The following MBD5 variants were observed in gnomAD, a reference collection of about 807,000 sequenced individuals.
MBD5 encodes the protein methyl-CpG binding domain protein 5, also known as methyl-CpG-binding domain protein 5.
MBD5 carries 13 observed loss-of-function variants against 117.3 expected under a neutral mutation model. That is an observed-to-expected ratio of 0.11 (90% CI 0.07 to 0.18). MBD5 has a LOEUF of 0.18. MBD5 is among the 10% of genes least tolerant of loss of function. The probability of loss-of-function intolerance (pLI) is 1.00; values close to 1 mark genes in which losing one functional copy is unlikely to be tolerated. For synonymous variants in MBD5, 727 were observed against 766.4 expected (o/e 0.95, Z 0.85); for missense variants, 1,879 against 2,093.8 (o/e 0.90, Z 2.00).
intron 1 of MBD5, among the ~76,000 whole-genome samples, chr2:148,023,444 A>G (rs981593144): frequency 2.6e-5 from 4 of 152,202 alleles, no homozygotes; most frequent in African/African-American, 7.2e-5. Context: ...AGCAGTAAAC[A>G]ATATGATCTT....
chr2:148,058,061 CA>C (rs1694919026), intron 1 of MBD5, among the ~76,000 whole-genome samples: 1 of 151,984 alleles, frequency 6.6e-6, no homozygotes, highest in African/African-American at 2.4e-5. Flanking sequence ...ATACTTTAAA[CA>C]TCGCAATGAA....
intron 3 of MBD5, among the ~76,000 whole-genome samples, chr2:148,328,612 CCTCT>C (rs1300247375): frequency 6.6e-6 from 1 of 152,222 alleles, no homozygotes; most frequent in Non-Finnish European, 1.5e-5. Flanking sequence ...TTCCAGGTGC[CCTCT>C]GTCACCACTT....
At chr2:148,279,478 A>C (rs949876142) in intron 3 of MBD5, among the ~76,000 whole-genome samples, 1 of 152,200 alleles carries the variant, frequency 6.6e-6, no homozygotes, top group Non-Finnish European at 1.5e-5. Context: ...CTTTCAGCAG[A>C]AAAAGGTCAG....
chr2:148,265,072 C>CACACAT (rs1350859852), intron 3 of MBD5: 2 of 152,084 alleles, frequency 1.3e-5, no homozygotes, highest in Non-Finnish European at 1.5e-5. Context: ...CACGCACACA[C>CACACAT]ACACACACAC....
chr2:148,494,666 T>A (rs1024110868), intron 11 of MBD5, among the ~76,000 whole-genome samples: 3 of 152,190 alleles, frequency 2.0e-5, no homozygotes, highest in African/African-American at 4.8e-5. Context: ...CAATTTGTAA[T>A]AAAGTACATT....
intron 1 of MBD5, among the ~76,000 whole-genome samples, chr2:148,128,455 A>G (rs1432899327): frequency 1.3e-5 from 2 of 152,184 alleles, no homozygotes; most frequent in African/African-American, 4.8e-5. Context: ...GTCACACATT[A>G]ATTAGAGTTG....
chr2:148,069,254 AT>A (rs2105064267), intron 1 of MBD5, among the ~76,000 whole-genome samples: 1 of 152,244 alleles, frequency 6.6e-6, no homozygotes, highest in African/African-American at 2.4e-5. Context: ...TATTTATATT[AT>A]TTTTGTAATG....
At chr2:148,149,028 C>G (rs1221947017) in intron 1 of MBD5, among the ~76,000 whole-genome samples, 1 of 151,978 alleles carries the variant, frequency 6.6e-6, no homozygotes, top group African/African-American at 2.4e-5. Context: ...CATGCTGGTG[C>G]ACTGCACCCA....
chr2:148,463,942 C>A, intron 7 of MBD5, 23 bp downstream of exon 7: 1 of 1,611,028 alleles, frequency 6.2e-7, no homozygotes, highest in Non-Finnish European at 8.5e-7. Context: ...GTGAAAGGTT[C>A]AGGAATTCTC....
intron 4 of MBD5, among the ~76,000 whole-genome samples, chr2:148,443,844 T>A (rs1346970220): frequency 6.6e-6 from 1 of 151,104 alleles, no homozygotes; most frequent in African/African-American, 2.5e-5. Context: ...CACAACAAGG[T>A]GGCTATTGTC....
intron 3 of MBD5, among the ~76,000 whole-genome samples, chr2:148,280,131 C>CAAAAAAAAAAAAAAAAAAAAA (rs3076398): frequency 7.6e-5 from 7 of 91,884 alleles, no homozygotes; most frequent in East Asian, 3.4e-4. Flanking sequence ...AAACTAACTG[C>CAAAAAAAAAAAAAAAAAAAAA]AAAAAAAAAA....
At chr2:148,173,340 G>T (rs560246058) in intron 1 of MBD5, among the ~76,000 whole-genome samples, 3 of 152,220 alleles carry the variant, frequency 2.0e-5, no homozygotes, top group East Asian at 3.9e-4. Context: ...AGCCTTGCAC[G>T]TAGCTGGTGC....
At chr2:148,041,817 T>C (rs1694366869) in intron 1 of MBD5, among the ~76,000 whole-genome samples, 1 of 152,194 alleles carries the variant, frequency 6.6e-6, no homozygotes, top group African/African-American at 2.4e-5. Flanking sequence ...AATCCTTTAA[T>C]ACCTACTTGC....
intron 4 of MBD5, among the ~76,000 whole-genome samples, chr2:148,350,489 T>G (rs560984888): frequency 6.6e-6 from 1 of 152,034 alleles, no homozygotes; most frequent in Admixed American, 6.6e-5. Flanking sequence ...AATGCAGTGA[T>G]AGTGGGCAAT....
At chr2:148,058,481 T>A (rs1234704767) in intron 1 of MBD5, among the ~76,000 whole-genome samples, 1 of 152,032 alleles carries the variant, frequency 6.6e-6, no homozygotes, top group African/African-American at 2.4e-5. Context: ...CATGCCCTAA[T>A]AGGTGAATTT....
At chr2:148,159,551 G>C (rs1304650712) in intron 1 of MBD5, among the ~76,000 whole-genome samples, 1 of 152,072 alleles carries the variant, frequency 6.6e-6, no homozygotes, top group Non-Finnish European at 1.5e-5. Context: ...CTCCCAAAGT[G>C]CTGGGTTTAC....
At chr2:148,194,778 TAAA>T (rs10545114) in intron 2 of MBD5, among the ~76,000 whole-genome samples, 6,333 of 129,200 alleles carry the variant, frequency 0.049, no homozygotes, top group African/African-American at 0.17. Flanking sequence ...AAAAAAAAAT[TAAA>T]AAAAAAAAAA....
chr2:148,357,229 T>G (rs960575759), intron 4 of MBD5, among the ~76,000 whole-genome samples: 4 of 152,192 alleles, frequency 2.6e-5, no homozygotes, highest in African/African-American at 7.2e-5. Flanking sequence ...ATAATAGTCT[T>G]CACAATTCAT....
At chr2:148,153,203 T>C (rs1011384606) in intron 1 of MBD5, among the ~76,000 whole-genome samples, 65 of 151,578 alleles carry the variant, frequency 4.3e-4, no homozygotes, top group African/African-American at 1.5e-3. Context: ...TTATGAAGCT[T>C]AGTTTGGCTG....
Sources: gnomAD v4.1 joint callset for allele counts (sites outside exome capture counted in the v4.1 genomes callset) on GRCh38, gnomAD v4.1.1 for gene constraint, MANE v1.5 for transcripts, NCBI Gene and HGNC (gene_info 2026-07-23, HGNC 2026-07-21) for gene names.